The following IGSF21 variants were observed in gnomAD, a reference collection of about 807,000 sequenced individuals.
IGSF21 encodes immunoglobulin superfamily member 21.
A neutral mutation model predicts 46.8 loss-of-function variants in IGSF21; 28 were observed. The ratio of observed to expected loss-of-function variants is 0.60; its 90% confidence interval spans 0.44 to 0.82. The LOEUF is 0.82. IGSF21 is among the 40% of genes least tolerant of loss of function. IGSF21 has a pLI of 0.00. For synonymous variants in IGSF21, 284 were observed against 273.6 expected (o/e 1.04, Z -0.38); for missense variants, 624 against 665.5 (o/e 0.94, Z 0.69).
chr1:18,302,655 A>G (rs1015932776), intron 3 of IGSF21, among the ~76,000 whole-genome samples: 1 of 151,846 alleles, frequency 6.6e-6, no homozygotes, highest in Non-Finnish European at 1.5e-5. Flanking sequence ...GCATTCTTGC[A>G]TCTCTTGGCT....
chr1:18,216,489 CT>C (rs1368724980), intron 1 of IGSF21, among the ~76,000 whole-genome samples: 1 of 152,042 alleles, frequency 6.6e-6, no homozygotes, highest in African/African-American at 2.4e-5. Flanking sequence ...GGCTGGGTAC[CT>C]TAGAGGGACA....
Position 18,108,071 on chromosome 1 carries a change from CCCGCCGCCACCGCCTCCACCCCCG to C in IGSF21, c.-52_-29del. ...CGCGTCTGAGCCCATGGCGAGGGGACCCGCCGCCACCGCCTCCACCCCCGCCGCCCCGCCACCGCCGCCAGCTCC... is the reference window on the plus strand; with the variant it reads ...CGCGTCTGAGCCCATGGCGAGGGGACCCGCCCCGCCACCGCCGCCAGCTCC... On this transcript the variant is annotated 5_prime_UTR_variant, in exon 1 of 10. Coordinates refer to ENST00000251296, the MANE Select transcript of IGSF21 (RefSeq NM_032880.5). 1 of 842,486 alleles carries C rather than the reference CCCGCCGCCACCGCCTCCACCCCCG, an allele frequency of 1.2e-6. No individual in the cohort carries two copies. The highest frequency in any genetic ancestry group is 1.7e-6 in the Non-Finnish European group (1 of 598,048). 52.2% of individuals were successfully genotyped at this position (842,486 alleles called of 1,614,324 possible).
At chr1:18,291,017 G>T (rs570281792) in intron 2 of IGSF21, among the ~76,000 whole-genome samples, 1 of 152,202 alleles carries the variant, frequency 6.6e-6, no homozygotes, top group Non-Finnish European at 1.5e-5. Context: ...CTGCAGCCGA[G>T]TAAACAGATA....
intron 2 of IGSF21, among the ~76,000 whole-genome samples, chr1:18,272,479 A>G (rs60675119): frequency 0.21 from 32,640 of 152,208 alleles, 3,681 homozygotes; most frequent in African/African-American, 0.27. Flanking sequence ...CCAGTGAGCA[A>G]GTGCACACAG....
chr1:18,267,936 T>G (rs2085005402), intron 2 of IGSF21, among the ~76,000 whole-genome samples: 1 of 152,218 alleles, frequency 6.6e-6, no homozygotes. Flanking sequence ...CCCATAAAGC[T>G]TAAAATAGTT....
chr1:18,289,945 G>A (rs1338112847), intron 2 of IGSF21, among the ~76,000 whole-genome samples: 1 of 152,218 alleles, frequency 6.6e-6, no homozygotes, highest in Non-Finnish European at 1.5e-5. Flanking sequence ...AGCCCCTGGA[G>A]GGTCTTGGCC....
chr1:18,118,790 C>T (rs573264061), intron 1 of IGSF21, among the ~76,000 whole-genome samples: 2 of 152,136 alleles, frequency 1.3e-5, no homozygotes, highest in South Asian at 4.2e-4. Context: ...ATGGGGGTTA[C>T]CTCATGGGGA....
chr1:18,214,957 G>A (rs1399869944), intron 1 of IGSF21, among the ~76,000 whole-genome samples: 2 of 152,194 alleles, frequency 1.3e-5, no homozygotes, highest in African/African-American at 4.8e-5. Context: ...GGGCAGGATG[G>A]TCTTGATCTC....
intron 6 of IGSF21, among the ~76,000 whole-genome samples, chr1:18,368,341 T>TAAA (rs34608095): frequency 3.9e-4 from 58 of 147,406 alleles, no homozygotes; most frequent in Admixed American, 1.3e-3. Context: ...CCATCTCTAC[T>TAAA]AAAAAAAAAA....
chr1:18,309,141 G>C (rs1443051432), intron 3 of IGSF21, among the ~76,000 whole-genome samples: 1 of 152,070 alleles, frequency 6.6e-6, no homozygotes, highest in Non-Finnish European at 1.5e-5. Context: ...GTAGCTGTAG[G>C]GAGTTTGTCT....
intron 2 of IGSF21, among the ~76,000 whole-genome samples, chr1:18,288,996 A>T (rs2085241924): frequency 6.6e-6 from 1 of 152,172 alleles, no homozygotes; most frequent in Non-Finnish European, 1.5e-5. Flanking sequence ...TGAAACAGAG[A>T]TTTACGACTC....
At chr1:18,120,180 G>A (rs1057164182) in intron 1 of IGSF21, among the ~76,000 whole-genome samples, 1 of 152,230 alleles carries the variant, frequency 6.6e-6, no homozygotes, top group Non-Finnish European at 1.5e-5. Flanking sequence ...CGCAGGGGAT[G>A]GTGCAGCCCC....
intron 1 of IGSF21, among the ~76,000 whole-genome samples, chr1:18,153,047 C>A (rs1304086969): frequency 6.6e-6 from 1 of 152,184 alleles, no homozygotes; most frequent in Non-Finnish European, 1.5e-5. Context: ...TGCCGGCCAA[C>A]AATGGTGACA....
intron 1 of IGSF21, among the ~76,000 whole-genome samples, chr1:18,178,028 G>A (rs2086819796): frequency 6.6e-6 from 1 of 152,078 alleles, no homozygotes. Context: ...ATTTCAATCA[G>A]CTGTAACAGA....
intron 3 of IGSF21, among the ~76,000 whole-genome samples, chr1:18,295,305 A>C (rs549743678): frequency 6.0e-4 from 92 of 152,322 alleles, no homozygotes; most frequent in Non-Finnish European, 1.1e-3. Flanking sequence ...GTTGGAATTG[A>C]CAAGAATGTA....
chr1:18,115,842 G>GAAGAAAGAAAGAAAGAAAGA (rs1175457174), intron 1 of IGSF21: 1 of 87,770 alleles, frequency 1.1e-5, no homozygotes, highest in African/African-American at 5.2e-5. Context: ...AGGAAGGAAG[G>GAAGAAAGAAAGAAAGAAAGA]AAGAAAGAAA....
chr1:18,174,207 G>T (rs2124462426), intron 1 of IGSF21, among the ~76,000 whole-genome samples: 1 of 152,264 alleles, frequency 6.6e-6, no homozygotes, highest in African/African-American at 2.4e-5. Flanking sequence ...CAGCCATCCT[G>T]GGATCTTTCA....
At chr1:18,357,389 G>C (rs1164675898) in intron 4 of IGSF21, among the ~76,000 whole-genome samples, 3 of 147,936 alleles carry the variant, frequency 2.0e-5, no homozygotes, top group Non-Finnish European at 1.5e-5. Flanking sequence ...AAGGGATGGG[G>C]ATGAGGATGA....
chr1:18,141,033 G>C (rs913574001), intron 1 of IGSF21, among the ~76,000 whole-genome samples: 1 of 152,144 alleles, frequency 6.6e-6, no homozygotes, highest in Admixed American at 6.5e-5. Context: ...AGGAGAGCAC[G>C]ACCAGAGTGA....
Sources: gnomAD v4.1 joint callset for allele counts (sites outside exome capture counted in the v4.1 genomes callset) on GRCh38, gnomAD v4.1.1 for gene constraint, MANE v1.5 for transcripts, NCBI Gene and HGNC (gene_info 2026-07-23, HGNC 2026-07-21) for gene names.